HIF3A: variants seen among roughly 807,000 people sequenced by gnomAD.
HIF3A encodes the protein hypoxia inducible factor 3 subunit alpha.
In HIF3A, 41 loss-of-function variants were observed where a neutral mutation model predicts 67.2. That is an observed-to-expected ratio of 0.61 (90% CI 0.48 to 0.79). The LOEUF (loss-of-function observed/expected upper bound fraction) is 0.79, where lower values mean the gene tolerates loss of function less well. Ranked by LOEUF, HIF3A falls within the 30% of genes least tolerant of loss-of-function variation. The pLI, the probability that HIF3A is intolerant of heterozygous loss-of-function variation, is 0.00. For missense variants in HIF3A, 855 were observed against 898.0 expected, an observed-to-expected ratio of 0.95 and a Z score of 0.61; for synonymous variants, 356 against 374.8, an observed-to-expected ratio of 0.95 and a Z score of 0.58.
rs1262830423 is a variant in HIF3A, at chr19:46,297,479, C to T, written c.26+377C>T. On this transcript the variant is annotated intron_variant, in intron 1 of 14. Coordinates refer to ENST00000377670, the MANE Select transcript of HIF3A (RefSeq NM_152795.4). The surrounding 1 kb of genome is among the most constrained non-coding windows in gnomAD (Gnocchi z 4.5). ...GCCCTCCACATATTGATCCCTCTGGCCTCTGAACCCCCCAAAATTGAGGGT... is the reference window on the plus strand; with the variant it reads ...GCCCTCCACATATTGATCCCTCTGGTCTCTGAACCCCCCAAAATTGAGGGT... Among the ~76,000 whole-genome samples the T allele has an allele frequency of 1.3e-5, 2 of 152,096 alleles. No individual in the cohort carries two copies. The highest frequency in any genetic ancestry group is 1.5e-5 in the Non-Finnish European group (1 of 67,992).
chr19:46,306,224 C>T (rs767525416), intron 3 of HIF3A, among the ~76,000 whole-genome samples: 22 of 152,230 alleles, frequency 1.4e-4, no homozygotes, highest in Admixed American at 9.2e-4. Flanking sequence ...TCCAGGGCCC[C>T]GGGGAGCTAT....
rs1601201490 is a variant in HIF3A at position 46,304,304 on chromosome 19, C to T, written c.217+216C>T. On this transcript the variant is annotated intron_variant, in intron 2 of 14. Transcript: ENST00000377670. ...CTGGCCTGCTGGGAGTCCCGCCCCC[C>T]TCGAAGTCTATCACTTGTGAGGCCC... 1.2e-5 allele frequency: 7 copies of T among 585,996 alleles called. No homozygotes were observed. In the East Asian group the frequency reaches 2.0e-4, roughly 17 times the overall value. The allele number at this position is 585,996 out of a possible 1,614,324, so 36.3% of individuals were successfully genotyped here.
At chr19:46,298,581 C>T in intron 1 of HIF3A, 1 of 1,160,068 alleles carries the variant, frequency 8.6e-7, no homozygotes, top group Non-Finnish European at 1.1e-6. Context: ...TGCCATCCCA[C>T]TGTGGCCAAG....
chr19:46,331,417 T>C (rs993837731), intron 13 of HIF3A, 144 bp downstream of exon 13: 5 of 565,454 alleles, frequency 8.8e-6, no homozygotes, highest in African/African-American at 5.9e-5. Context: ...GACTAAAGCC[T>C]GATCTTCTAG....
chr19:46,306,778 A>T (rs1968889713), intron 3 of HIF3A, among the ~76,000 whole-genome samples: 1 of 152,186 alleles, frequency 6.6e-6, no homozygotes, highest in African/African-American at 2.4e-5. Flanking sequence ...CCGAGGTTCC[A>T]AAGCTAGGAA....
At chr19:46,302,881 A>T (rs1968466179) in intron 1 of HIF3A, among the ~76,000 whole-genome samples, 1 of 152,334 alleles carries the variant, frequency 6.6e-6, no homozygotes, top group South Asian at 2.1e-4. Context: ...CTCAAAAGAA[A>T]AGAAAGAAAA....
intron 1 of HIF3A, among the ~76,000 whole-genome samples, chr19:46,301,449 C>T (rs902801415): frequency 6.6e-6 from 1 of 152,174 alleles, no homozygotes; most frequent in Non-Finnish European, 1.5e-5. Context: ...AATCCCAGCT[C>T]AGCCAGTTGT....
rs766185321 is a variant in HIF3A, at chr19:46,320,535, A to C, written c.1118A>C (p.Asp373Ala). 2 of 1,613,892 alleles carry C rather than the reference A, an allele frequency of 1.2e-6. No individual in the cohort carries two copies. Among genetic ancestry groups the C allele is most frequent in the Admixed American group, 1.7e-5 (1 of 59,996 alleles). The change falls in exon 9 of 15, where the codon GAC becomes GCC. Residue 373 changes from aspartate (D) to alanine (A), a missense_variant. By Grantham distance (126) the Asp-to-Ala change is moderately radical (BLOSUM62 -2). This residue lies in a region of HIF3A where 638 missense variants were observed against 660.5 expected (regional missense o/e 0.97). Transcript: ENST00000377670. Reference protein sequence around the residue: ...PIQRGAPSQKDTPNPGDSLDT... With the variant: ...PIQRGAPSQKATPNPGDSLDT... The stretch of plus-strand genomic sequence containing the variant: ...CAGCGGGGCGCCCCCTCTCAGAAGG[A>C]CACCCCTAACCCTGGGGACAGCCTT...
intron 3 of HIF3A, 151 bp from the exon 4 acceptor site, chr19:46,308,070 A>G (rs1969052661): frequency 2.9e-6 from 2 of 678,346 alleles, no homozygotes; most frequent in Non-Finnish European, 5.4e-6. Flanking sequence ...CAGTGGGTGG[A>G]TGGATGGATG....
At chr19:46,299,698 G>A (rs1419860937) in intron 1 of HIF3A, among the ~76,000 whole-genome samples, 4 of 124,488 alleles carry the variant, frequency 3.2e-5, no homozygotes, top group East Asian at 2.4e-4. Context: ...CAACACAGCC[G>A]GACCTTGTCG....
In HIF3A at chr19:46,304,208, T is replaced by C. The variant is rs551056583; in HGVS notation, c.217+120T>C. ...TCTGACAAAGCCCCGCCCCCTGGTG[T>C]CGTTTTTTTCGGCGGAGCCCCACCC... On this transcript the variant is annotated intron_variant, in intron 2 of 14. Transcript: ENST00000377670. The C allele has an allele frequency of 3.4e-4, 269 of 797,622 alleles. No individual in the cohort carries two copies. The African/African-American group carries it at 8.4e-3, about 25-fold the overall frequency. The allele number at this position is 797,622 out of a possible 1,614,324, so 49.4% of individuals were successfully genotyped here. A position where few individuals can be genotyped will look rare whatever the true frequency, so the allele number is the denominator to read the frequency against.
chr19:46,298,215 T>TCCTCTCCCCCCTCC, intron 1 of HIF3A: 1 of 273,776 alleles, frequency 3.7e-6, no homozygotes. Flanking sequence ...ACCGCCCCCA[T>TCCTCTCCCCCCTCC]CCTCTCCCCT....
Position 46,331,937 on chromosome 19 carries a change from A to G in HIF3A, c.1830+664A>G, listed in dbSNP as rs144280660. 5.9e-3 allele frequency among the ~76,000 whole-genome samples: 896 copies of G among 151,638 alleles called. 9 individuals are homozygous for G. Among genetic ancestry groups the G allele is most frequent in the African/African-American group, 0.021 (855 of 41,332 alleles). ...AGGGGAGAAATGGCATGTGGCTGGTATCTGCAGGGATCTTCTCTGCTCCCA... is the reference window on the plus strand; with the variant it reads ...AGGGGAGAAATGGCATGTGGCTGGTGTCTGCAGGGATCTTCTCTGCTCCCA... On this transcript the variant is annotated intron_variant, in intron 13 of 14. Transcript: ENST00000377670.
At chr19:46,312,134 C>G (rs372878562) in intron 6 of HIF3A, 27 bp from the exon 7 acceptor site, 1 of 1,577,650 alleles carries the variant, frequency 6.3e-7, no homozygotes, top group Non-Finnish European at 8.7e-7. Context: ...AGCATCCTGA[C>G]CAGACCCCAC....
chr19:46,331,085 A>C (rs1971178259), intron 12 of HIF3A, 71 bp from the exon 13 acceptor site: 1 of 1,188,240 alleles, frequency 8.4e-7, no homozygotes, highest in Non-Finnish European at 1.2e-6. Flanking sequence ...AATGCTCATC[A>C]CCTGCTTACA....
chr19:46,299,436 C>T (rs1601172610), intron 1 of HIF3A, among the ~76,000 whole-genome samples: 1 of 152,308 alleles, frequency 6.6e-6, no homozygotes, highest in East Asian at 1.9e-4. Flanking sequence ...GAAATACGGG[C>T]AGGCCGGGTG....
intron 8 of HIF3A, among the ~76,000 whole-genome samples, chr19:46,315,240 T>C (rs1805835321): frequency 6.9e-6 from 1 of 145,712 alleles, no homozygotes; most frequent in Admixed American, 7.4e-5. Flanking sequence ...CTAATTTTTA[T>C]ATTTTTAATA....
chr19:46,325,922 A>T (rs1038767976), intron 11 of HIF3A, among the ~76,000 whole-genome samples: 2 of 152,266 alleles, frequency 1.3e-5, no homozygotes, highest in Non-Finnish European at 2.9e-5. Context: ...TATTGAATGC[A>T]TAGATAAAAT....
At chr19:46,322,501 G>A (rs930722161) in intron 10 of HIF3A, among the ~76,000 whole-genome samples, 1 of 151,976 alleles carries the variant, frequency 6.6e-6, no homozygotes, top group Non-Finnish European at 1.5e-5. Flanking sequence ...ATGCAGTGGC[G>A]CAATCTCGGC....
Sources: gnomAD v4.1 joint callset for allele counts (sites outside exome capture counted in the v4.1 genomes callset) on GRCh38, gnomAD v4.1.1 for gene constraint, gnomAD v4.1.1 regional missense constraint, Gnocchi (gnomAD v3.1) non-coding constraint, MANE v1.5 for transcripts, NCBI Gene and HGNC (gene_info 2026-07-23, HGNC 2026-07-21) for gene names.